The following PCNX1 variants were observed in gnomAD, a reference collection of about 807,000 sequenced individuals.
PCNX1 encodes the protein pecanex 1, also known as pecanex-like protein 1.
PCNX1 carries 78 observed loss-of-function variants against 242.2 expected under a neutral mutation model. The observed-to-expected ratio is 0.32, with a 90% CI of 0.27 to 0.39. The LOEUF is 0.39. Among genes scored for constraint, PCNX1 ranks in the 10% least tolerant of loss-of-function variants. The pLI is 1.00. For synonymous variants in PCNX1, 1,024 were observed against 1,032.9 expected, an observed-to-expected ratio of 0.99 and a Z score of 0.17; for missense variants, 2,581 against 2,856.5, an observed-to-expected ratio of 0.90 and a Z score of 2.20.
intron 1 of PCNX1, among the ~76,000 whole-genome samples, chr14:70,940,943 C>T (rs561901059): frequency 3.9e-4 from 60 of 152,222 alleles, no homozygotes; most frequent in African/African-American, 9.6e-4. Context: ...GCATGCATCA[C>T]GTAGTTCTCA....
chr14:71,021,033 C>G (rs910427114), intron 12 of PCNX1, among the ~76,000 whole-genome samples: 5 of 152,094 alleles, frequency 3.3e-5, no homozygotes, highest in African/African-American at 4.8e-5. Flanking sequence ...TTCCCCATTG[C>G]TTGTTTTTGT....
Position 70,985,922 on chromosome 14 carries a change from C to T in PCNX1, c.2312-2645C>T, listed in dbSNP as rs116760684. ...AAGATTAAATTTTTTTTTTTTGGTT[C>T]ACTATTTTTCTTCTATAAAGTTAAA... On this transcript the variant is annotated intron_variant, in intron 6 of 35. Transcript: ENST00000304743. Among the ~76,000 whole-genome samples, 785 of 149,772 alleles carry T rather than the reference C, an allele frequency of 5.2e-3. 8 individuals carry two copies. The highest frequency in any genetic ancestry group is 0.018 in the African/African-American group (748 of 40,906).
chr14:71,087,989 AATAG>A (rs1356621346), intron 28 of PCNX1, among the ~76,000 whole-genome samples: 3 of 152,268 alleles, frequency 2.0e-5, no homozygotes, highest in South Asian at 4.1e-4. Flanking sequence ...AGAAGTAGCT[AATAG>A]ATAGAAATAT....
At chr14:71,002,042 G>A (rs1282212721) in intron 8 of PCNX1, among the ~76,000 whole-genome samples, 10 of 152,150 alleles carry the variant, frequency 6.6e-5, no homozygotes, top group Admixed American at 2.0e-4. Flanking sequence ...ACTTCTCGTC[G>A]TGGGAGAGGC....
intron 28 of PCNX1, chr14:71,078,639 CTT>C (rs1313713420): frequency 3.3e-5 from 5 of 152,260 alleles, no homozygotes; most frequent in Admixed American, 3.3e-4. Flanking sequence ...TAATTTTTTT[CTT>C]TCAGCAAATT....
At chr14:70,908,906 G>A (rs2055699983) in intron 1 of PCNX1, among the ~76,000 whole-genome samples, 2 of 152,214 alleles carry the variant, frequency 1.3e-5, no homozygotes, top group African/African-American at 4.8e-5. Flanking sequence ...TAAAGCACAG[G>A]TTAGGGTGGG....
chr14:70,928,990 A>G (rs1204006724), intron 1 of PCNX1, among the ~76,000 whole-genome samples: 1 of 152,202 alleles, frequency 6.6e-6, no homozygotes, highest in Non-Finnish European at 1.5e-5. Flanking sequence ...TTAGTTTTGT[A>G]AAAGGTTTTT....
chr14:70,966,459 C>A (rs1033479884), intron 3 of PCNX1, among the ~76,000 whole-genome samples: 7 of 152,132 alleles, frequency 4.6e-5, no homozygotes, highest in African/African-American at 1.7e-4. Flanking sequence ...AGTTAGGAAG[C>A]AAGCAGTAGT....
At chr14:71,063,312 G>A (rs894000644) in intron 26 of PCNX1, among the ~76,000 whole-genome samples, 1 of 152,058 alleles carries the variant, frequency 6.6e-6, no homozygotes, top group Non-Finnish European at 1.5e-5. Context: ...ACCATTCTAA[G>A]CTTGGATTTG....
Position 71,036,130 on chromosome 14 carries a change from T to A in PCNX1, c.3840T>A (p.His1280Gln). 6.2e-7 allele frequency: 1 copy of A among 1,604,616 alleles called. No homozygotes were observed. The highest frequency in any genetic ancestry group is 8.5e-7 in the Non-Finnish European group (1 of 1,171,266). The change falls in exon 19 of 36, where the codon CAT becomes CAA. Residue 1280 changes from histidine (H) to glutamine (Q), a missense_variant. By Grantham distance (24) the His-to-Gln change is conservative. This residue lies in a region of PCNX1 where 432 missense variants were observed against 443.1 expected (regional missense o/e 0.97). Coordinates refer to ENST00000304743, the MANE Select transcript of PCNX1 (RefSeq NM_014982.3). ...TTGGTGTGCTGTATTTTGCTATTCA[T>A]GTAAGCACAGTCTTCACAGTATTGC... ...IVIGVLYFAIHVSTVFTVLQP... is the reference protein window; with the variant it reads ...IVIGVLYFAIQVSTVFTVLQP...
intron 13 of PCNX1, among the ~76,000 whole-genome samples, chr14:71,023,679 A>G (rs1352776201): frequency 6.6e-6 from 1 of 152,140 alleles, no homozygotes. Context: ...AAGACCATTG[A>G]ATAAAAACTT....
intron 1 of PCNX1, among the ~76,000 whole-genome samples, chr14:70,931,702 G>T (rs1047718194): frequency 2.6e-5 from 4 of 152,182 alleles, no homozygotes; most frequent in Non-Finnish European, 5.9e-5. Context: ...AAAAAATTAA[G>T]TTCAGTTTTT....
At chr14:70,913,860 T>G (rs2056035581) in intron 1 of PCNX1, among the ~76,000 whole-genome samples, 1 of 152,212 alleles carries the variant, frequency 6.6e-6, no homozygotes, top group East Asian at 1.9e-4. Context: ...CTATTGCATA[T>G]TGTACATATG....
chr14:71,029,882 A>C (rs2060335043), intron 16 of PCNX1, among the ~76,000 whole-genome samples: 1 of 152,222 alleles, frequency 6.6e-6, no homozygotes, highest in Non-Finnish European at 1.5e-5. Flanking sequence ...CTTCTTACCC[A>C]CATTGTATGA....
rs1035008311 is a variant in PCNX1 at position 71,111,938 on chromosome 14, A to G, written c.*2003A>G. 6 of 152,532 alleles carry G rather than the reference A, an allele frequency of 3.9e-5. No homozygotes were observed. Among genetic ancestry groups the G allele is most frequent in the African/African-American group, 9.7e-5 (4 of 41,448 alleles). 9.4% of individuals were successfully genotyped at this position (152,532 alleles called of 1,614,324 possible). A position where few individuals can be genotyped will look rare whatever the true frequency, so the allele number is the denominator to read the frequency against. On this transcript the variant is annotated 3_prime_UTR_variant, in exon 36 of 36. Coordinates refer to ENST00000304743, the MANE Select transcript of PCNX1 (RefSeq NM_014982.3). ...GCATTTGCCTCATTTTGGCAGATCTACAGTATGCCATTAAAGTTTAGTGTT... is the reference window on the plus strand; with the variant it reads ...GCATTTGCCTCATTTTGGCAGATCTGCAGTATGCCATTAAAGTTTAGTGTT...
chr14:71,024,621 A>G (rs932610591), intron 13 of PCNX1, among the ~76,000 whole-genome samples: 1 of 152,234 alleles, frequency 6.6e-6, no homozygotes, highest in African/African-American at 2.4e-5. Context: ...TAGAAAGCAC[A>G]TACTAATTTA....
chr14:70,907,845 G>C lies in PCNX1; in HGVS notation c.-6G>C, dbSNP rs113468911. 84,398 of 1,312,998 alleles carry C rather than the reference G, an allele frequency of 0.064. 3,589 individuals carry two copies. The highest frequency in any genetic ancestry group is 0.27 in the East Asian group (8,864 of 32,958). 81.3% of individuals were successfully genotyped at this position (1,312,998 alleles called of 1,614,324 possible). A position where few individuals can be genotyped will look rare whatever the true frequency, so the allele number is the denominator to read the frequency against. The stretch of plus-strand genomic sequence containing the variant: ...GCGGCGGCGACGGCGGCGGCGCCGG[G>C]TGGGGATGGGGTCGCAGACGCTGCA... On this transcript the variant is annotated 5_prime_UTR_variant, in exon 1 of 36. Transcript: ENST00000304743.
intron 20 of PCNX1, among the ~76,000 whole-genome samples, chr14:71,045,802 T>C (rs2060844473): frequency 6.6e-6 from 1 of 152,200 alleles, no homozygotes; most frequent in Admixed American, 6.5e-5. Flanking sequence ...ATAGCTGTTA[T>C]TAGTTCAGAT....
intron 28 of PCNX1, among the ~76,000 whole-genome samples, chr14:71,081,413 CTGT>C (rs202222242): frequency 0.014 from 2,091 of 152,184 alleles, 43 homozygotes; most frequent in African/African-American, 0.046. Context: ...CCCTCTTTTT[CTGT>C]TGTTTGGAAT....
Sources: gnomAD v4.1 joint callset for allele counts (sites outside exome capture counted in the v4.1 genomes callset) on GRCh38, gnomAD v4.1.1 for gene constraint, gnomAD v4.1.1 regional missense constraint, MANE v1.5 for transcripts, NCBI Gene and HGNC (gene_info 2026-07-23, HGNC 2026-07-21) for gene names.